The following NEXN variants were observed in gnomAD, a reference collection of about 807,000 sequenced individuals.
NEXN encodes the protein nexilin.
A neutral mutation model predicts 92.6 loss-of-function variants in NEXN; 65 were observed. The ratio of observed to expected loss-of-function variants is 0.70; its 90% confidence interval spans 0.57 to 0.86. The LOEUF (loss-of-function observed/expected upper bound fraction) is 0.86, where lower values mean the gene tolerates loss of function less well. Among genes scored for constraint, NEXN ranks in the 40% least tolerant of loss-of-function variants. The pLI, the probability that NEXN is intolerant of heterozygous loss-of-function variation, is 0.00. For missense variants in NEXN, 778 were observed against 771.1 expected (o/e 1.01, Z -0.11); for synonymous variants, 254 against 242.5 (o/e 1.05, Z -0.44).
At position 77,924,505 on chromosome 1, in the gene NEXN, C is replaced by CA. The variant is rs1322843749; in HGVS notation, c.448-680dup. 2.6e-5 allele frequency among the ~76,000 whole-genome samples: 4 copies of CA among 152,096 alleles called. No homozygotes were observed. The East Asian group carries it at 7.7e-4, about 29-fold the overall frequency. ...AGGTTTTCCTTTGATGGGGCAGTGA[C>CA]AAAGAATGGAGAAGTGTTTCTATGT... On this transcript the variant is annotated intron_variant, in intron 5 of 12. Coordinates refer to ENST00000334785, the MANE Select transcript of NEXN (RefSeq NM_144573.4).
At chr1:77,912,849 CAT>C (rs1160509538) in intron 1 of NEXN, among the ~76,000 whole-genome samples, 1 of 152,114 alleles carries the variant, frequency 6.6e-6, no homozygotes, top group Non-Finnish European at 1.5e-5. Context: ...TAGAAGAAAA[CAT>C]AGACAGAAAT....
chr1:77,941,941 C>A, intron 11 of NEXN, 82 bp from the exon 12 acceptor site: 1 of 1,362,244 alleles, frequency 7.3e-7, no homozygotes, highest in Non-Finnish European at 1.0e-6. Flanking sequence ...TCATTTTGTG[C>A]TTCTAAACAC....
intron 11 of NEXN, among the ~76,000 whole-genome samples, chr1:77,939,349 C>A (rs1219944679): frequency 6.6e-6 from 1 of 152,144 alleles, no homozygotes; most frequent in Non-Finnish European, 1.5e-5. Flanking sequence ...CAAGCAGATA[C>A]CAACTTTTAC....
chr1:77,925,112 TACTTTCCAG>T, intron 5 of NEXN, 67 bp from the exon 6 acceptor site: 2 of 916,008 alleles, frequency 2.2e-6, no homozygotes, highest in Admixed American at 4.0e-5. Flanking sequence ...ACAACTAAAT[TACTTTCCAG>T]TTGTTGTTTA....
At chr1:77,894,174 C>T (rs1340251726) in intron 1 of NEXN, among the ~76,000 whole-genome samples, 2 of 151,960 alleles carry the variant, frequency 1.3e-5, no homozygotes, top group African/African-American at 4.8e-5. Flanking sequence ...CCAGGCTGGT[C>T]TCGAACTCCT....
At chr1:77,906,403 C>T (rs1283047057) in intron 1 of NEXN, among the ~76,000 whole-genome samples, 2 of 152,078 alleles carry the variant, frequency 1.3e-5, no homozygotes, top group Non-Finnish European at 2.9e-5. Context: ...GCTTCTTCCA[C>T]CGTCAATGTT....
At chr1:77,919,870 G>A (rs1445012454) in intron 5 of NEXN, among the ~76,000 whole-genome samples, 1 of 151,182 alleles carries the variant, frequency 6.6e-6, no homozygotes, top group Non-Finnish European at 1.5e-5. Flanking sequence ...AAAGTGCTGG[G>A]ATTACAGGCG....
intron 1 of NEXN, among the ~76,000 whole-genome samples, chr1:77,896,374 C>G (rs536562566): frequency 2.6e-5 from 4 of 152,160 alleles, no homozygotes; most frequent in African/African-American, 9.6e-5. Context: ...TCCTCTGACT[C>G]TTGCTTGGGT....
At chr1:77,940,674 AC>A (rs1651189020) in intron 11 of NEXN, among the ~76,000 whole-genome samples, 1 of 152,234 alleles carries the variant, frequency 6.6e-6, no homozygotes, top group Non-Finnish European at 1.5e-5. Context: ...TTGGTAAACA[AC>A]AAAAAAAGTG....
At chr1:77,913,612 G>A (rs551886363) in intron 1 of NEXN, among the ~76,000 whole-genome samples, 3 of 151,962 alleles carry the variant, frequency 2.0e-5, no homozygotes, top group African/African-American at 7.3e-5. Context: ...CTATTAGAAT[G>A]GCCAAAATTC....
intron 1 of NEXN, among the ~76,000 whole-genome samples, chr1:77,912,156 T>G (rs1229033979): frequency 6.6e-6 from 1 of 151,704 alleles, no homozygotes; most frequent in Non-Finnish European, 1.5e-5. Flanking sequence ...CAACATGTAC[T>G]AGCAACAATC....
chr1:77,939,067 G>A (rs577725565), intron 11 of NEXN, among the ~76,000 whole-genome samples: 1 of 152,322 alleles, frequency 6.6e-6, no homozygotes, highest in South Asian at 2.1e-4. Flanking sequence ...AGACAGGCAT[G>A]AAGTTGGGGC....
intron 9 of NEXN, among the ~76,000 whole-genome samples, chr1:77,932,752 A>C (rs1650408083): frequency 6.6e-6 from 1 of 152,232 alleles, no homozygotes; most frequent in Admixed American, 6.5e-5. Context: ...TAACCACAAA[A>C]TACCTCGGTC....
Position 77,935,848 on chromosome 1 carries a change from G to A in NEXN, c.1277G>A (p.Gly426Glu). ...GAAGAGGAAGAAAATGAAACCTTTG[G>A]ATTGAGCAGAGAATATGAAGAACTG... ...GEEEEENETF[G>E]LSREYEELIK... Residue 426 changes from glycine to glutamate, a missense_variant, in exon 11 of 13, where the codon GGA (glycine) becomes GAA (glutamate). Physicochemically the swap from Gly to Glu is moderately conservative, Grantham distance 98 (BLOSUM62 -2). Coordinates refer to ENST00000334785, the MANE Select transcript of NEXN (RefSeq NM_144573.4). The A allele has an allele frequency of 6.2e-7, 1 of 1,612,872 alleles. No individual in the cohort carries two copies. The highest frequency in any genetic ancestry group is 8.5e-7 in the Non-Finnish European group (1 of 1,179,846).
chr1:77,910,745 T>G (rs1648500746), intron 1 of NEXN, among the ~76,000 whole-genome samples: 1 of 40,700 alleles, frequency 2.5e-5, no homozygotes, highest in African/African-American at 1.1e-4. Flanking sequence ...AGTGAGACTG[T>G]CTCAAAAAAA....
At position 77,926,571 on chromosome 1, in the gene NEXN, G is replaced by A. The variant is rs774953468; in HGVS notation, c.647G>A (p.Arg216Gln). ...AAAAGAATAAGATATGAAGAACAAC[G>A]ACCATCTCTCAAGGAAGCAAAGTGT... ...EDKRIRYEEQRPSLKEAKCLS... is the reference protein window; with the variant it reads ...EDKRIRYEEQQPSLKEAKCLS... Residue 216 changes from arginine to glutamine, a missense_variant, in exon 7 of 13, where the codon CGA becomes CAA. Physicochemically the swap from Arg to Gln is conservative, Grantham distance 43. Around this residue, in one of 3 missense-constraint regions of NEXN, gnomAD observed 236 missense variants for 265.6 expected, o/e 0.89. Transcript: ENST00000334785. 15 of 1,613,692 alleles carry A rather than the reference G, an allele frequency of 9.3e-6. No homozygotes were observed. The South Asian group carries it at 1.2e-4, about 13-fold the overall frequency.
rs749334561 is a variant in NEXN, at chr1:77,900,582, C to CT, written c.-53+11829dup. 2.0e-5 allele frequency among the ~76,000 whole-genome samples: 3 copies of CT among 152,070 alleles called. No individual in the cohort carries two copies. The East Asian group carries it at 5.8e-4, about 29-fold the overall frequency. On this transcript the variant is annotated intron_variant, in intron 1 of 12. Coordinates refer to ENST00000334785, the MANE Select transcript of NEXN (RefSeq NM_144573.4). ...ATCTGTCAAATTTGAAAAAATGCAG[C>CT]TTTTTTGATAAATTGTGTATGGGTT...
intron 1 of NEXN, among the ~76,000 whole-genome samples, chr1:77,906,831 T>A (rs767356539): frequency 1.7e-4 from 26 of 151,998 alleles, no homozygotes; most frequent in African/African-American, 1.9e-4. Context: ...AATTTTTTTT[T>A]AAATTGTAGA....
intron 1 of NEXN, among the ~76,000 whole-genome samples, chr1:77,911,810 C>T (rs1265548996): frequency 1.3e-5 from 2 of 150,636 alleles, no homozygotes; most frequent in African/African-American, 2.4e-5. Context: ...AGGCCAGGCA[C>T]GGTGGCTCAT....
Sources: allele counts gnomAD v4.1 joint callset (sites outside exome capture counted in the v4.1 genomes callset), GRCh38; gene constraint gnomAD v4.1.1; regional missense constraint gnomAD v4.1.1; transcripts MANE v1.5; gene names NCBI Gene and HGNC (gene_info 2026-07-23, HGNC 2026-07-21).